The following FAM153A variants were observed in gnomAD, a reference collection of about 807,000 sequenced individuals.
The protein encoded by FAM153A is family with sequence similarity 153 member A.
In FAM153A, 12 loss-of-function variants were observed where a neutral mutation model predicts 48.1. The observed-to-expected ratio is 0.25, with a 90% CI of 0.16 to 0.40. The LOEUF is 0.40. Ranked by LOEUF, FAM153A falls within the 10% of genes least tolerant of loss-of-function variation. FAM153A has a pLI of 1.00. For missense variants in FAM153A, 111 were observed against 345.8 expected, an observed-to-expected ratio of 0.32 and a Z score of 5.38; for synonymous variants, 36 against 118.2, an observed-to-expected ratio of 0.30 and a Z score of 4.51.
intron 17 of FAM153A, 21 bp downstream of exon 19, chr5:177,729,464 G>A (rs112504180): frequency 6.2e-7 from 1 of 1,602,462 alleles, no homozygotes. Context: ...TTCCTTTTCA[G>A]AGGAAAGAAG....
chr5:177,699,845 C>T, the FAM153A span, among the ~76,000 whole-genome samples: 1 of 151,308 alleles, frequency 6.6e-6, no homozygotes, highest in African/African-American at 2.4e-5. Flanking sequence ...AAATACTTCC[C>T]AACTCCTTCT....
chr5:177,755,205 C>G (rs528505970), upstream of FAM153A, among the ~76,000 whole-genome samples: 1 of 151,638 alleles, frequency 6.6e-6, no homozygotes, highest in Admixed American at 6.6e-5. Context: ...CCTCAGTAGT[C>G]GATTCGATCA....
rs1347513705 is a variant in FAM153A at position 177,727,726 on chromosome 5, C to T, written c.964+1297G>A. ...AGGAGAGTTGCAAGGACCACCTGGA[C>T]TCTGGAGCAGCCCCACTCCCTTTGC... On this transcript the variant is annotated intron_variant, in intron 18 of 20. Coordinates refer to ENST00000614127, the Ensembl canonical transcript of FAM153A. Among the ~76,000 whole-genome samples the T allele has an allele frequency of 3.0e-4, 20 of 66,728 alleles. 6 individuals carry two copies. The highest frequency in any genetic ancestry group is 1.4e-4 in the Non-Finnish European group (5 of 35,318). The allele number at this position is 66,728 out of a possible 152,430, so 43.8% of individuals were successfully genotyped here. A position where few individuals can be genotyped will look rare whatever the true frequency, so the allele number is the denominator to read the frequency against.
chr5:177,706,187 TG>T (rs756461918), downstream of FAM153A, among the ~76,000 whole-genome samples: 89 of 151,048 alleles, frequency 5.9e-4, 1 homozygote, highest in East Asian at 1.7e-3. Flanking sequence ...GGAAAAAATA[TG>T]TTTTTTTTGT....
At chr5:177,704,714 A>G (rs1351067410), downstream of FAM153A, among the ~76,000 whole-genome samples, 2 of 151,766 alleles carry the variant, frequency 1.3e-5, no homozygotes, top group South Asian at 2.1e-4. Flanking sequence ...TTAAAAGTAT[A>G]TAGGCCCCAG....
chr5:177,734,665 A>C (rs1458484740), intron 13 of FAM153A, among the ~76,000 whole-genome samples, 198 bp downstream of exon 15: 1 of 146,322 alleles, frequency 6.8e-6, no homozygotes, highest in Non-Finnish European at 1.5e-5. Context: ...CTGTTACACA[A>C]CAGGTGACTG....
chr5:177,753,905 G>A (rs114525652), upstream of FAM153A, among the ~76,000 whole-genome samples: 8,852 of 151,988 alleles, frequency 0.058, 399 homozygotes, highest in Non-Finnish European at 0.078. Context: ...AGCTCCCAGC[G>A]TGAGTGATGC....
At chr5:177,726,305 CCAGGGCT>C (rs1192120826) in intron 18 of FAM153A, among the ~76,000 whole-genome samples, 1 of 139,766 alleles carries the variant, frequency 7.2e-6, no homozygotes, top group Non-Finnish European at 1.5e-5. Flanking sequence ...TCATCAAAAC[CCAGGGCT>C]CTGGTGCTTA....
At chr5:177,756,663 G>A (rs1315964365), upstream of FAM153A, among the ~76,000 whole-genome samples, 549 of 151,624 alleles carry the variant, frequency 3.6e-3, no homozygotes, top group African/African-American at 0.013. Flanking sequence ...AATCAAACTA[G>A]AACTCAAGAT....
intron 9 of FAM153A, 68 bp from the exon 12 acceptor site, chr5:177,739,205 A>G (rs1273860361): frequency 2.6e-6 from 4 of 1,535,782 alleles, no homozygotes; most frequent in Non-Finnish European, 2.7e-6. Flanking sequence ...GGTCTTTTCT[A>G]AACTTGGTGC....
downstream of FAM153A, among the ~76,000 whole-genome samples, chr5:177,705,937 C>T (rs910127025): frequency 6.6e-6 from 1 of 151,582 alleles, no homozygotes; most frequent in African/African-American, 2.4e-5. Flanking sequence ...GGATTATAGG[C>T]GTGAGCCACC....
chr5:177,768,031 T>C (rs112901049), intron 1 of FAM153A, among the ~76,000 whole-genome samples: 51,864 of 52,242 alleles, frequency 0.99, 25,748 homozygotes, highest in South Asian at 1. Flanking sequence ...CTACATCAGT[T>C]GTAGGTCTGA....
intron 1 of FAM153A, among the ~76,000 whole-genome samples, chr5:177,769,580 A>G (rs1469295576): frequency 9.3e-5 from 9 of 96,702 alleles, no homozygotes; most frequent in Non-Finnish European, 1.7e-4. Context: ...CCAGCAGAAC[A>G]TAGGAATCAG....
upstream of FAM153A, among the ~76,000 whole-genome samples, chr5:177,753,473 AAACAAACATT>A (rs1561940826): frequency 4.7e-5 from 7 of 148,420 alleles, no homozygotes; most frequent in Admixed American, 2.7e-4. Context: ...TATGTGTATG[AAACAAACATT>A]AAAGGAGGAA....
chr5:177,711,836 C>T (rs1306200459), exon 27 of FAM153A: 1 of 151,910 alleles, frequency 6.6e-6, no homozygotes, highest in Non-Finnish European at 1.5e-5. Flanking sequence ...CCAACGCCGC[C>T]TGCATGTACT....
At chr5:177,755,687 T>G (rs569310829), upstream of FAM153A, among the ~76,000 whole-genome samples, 3,118 of 151,676 alleles carry the variant, frequency 0.021, 154 homozygotes, top group African/African-American at 0.072. Context: ...TATTCAACAT[T>G]CTTAAAGAAA....
chr5:177,707,260 C>T (rs563737557), downstream of FAM153A, among the ~76,000 whole-genome samples: 3 of 152,052 alleles, frequency 2.0e-5, no homozygotes, highest in South Asian at 6.2e-4. Flanking sequence ...ACAGAACATT[C>T]TCCAGGATAG....
At chr5:177,706,134 C>T (rs1336354363), downstream of FAM153A, among the ~76,000 whole-genome samples, 5 of 151,728 alleles carry the variant, frequency 3.3e-5, no homozygotes, top group African/African-American at 1.2e-4. Context: ...ACAACAAACC[C>T]AATATAGTCA....
chr5:177,695,746 G>A, the FAM153A span, among the ~76,000 whole-genome samples: 1 of 151,550 alleles, frequency 6.6e-6, no homozygotes, highest in African/African-American at 2.4e-5. Context: ...CATCATCATG[G>A]CCTGTTCTTG....
Sources: allele counts gnomAD v4.1 joint callset (sites outside exome capture counted in the v4.1 genomes callset), GRCh38; gene constraint gnomAD v4.1.1; transcripts MANE v1.5; gene names NCBI Gene and HGNC (gene_info 2026-07-23, HGNC 2026-07-21).